COL15A1: variants seen among roughly 807,000 people sequenced by gnomAD.
The protein encoded by COL15A1 is collagen alpha-1(XV) chain.
Under a neutral mutation model 165.9 loss-of-function variants are expected in COL15A1, and 111 were observed. That is an observed-to-expected ratio of 0.67 (90% CI 0.57 to 0.78). COL15A1 has a LOEUF of 0.78. Among genes scored for constraint, COL15A1 ranks in the 30% least tolerant of loss-of-function variants. COL15A1 has a pLI of 0.00. For missense variants in COL15A1, 1,745 were observed against 1,789.7 expected (o/e 0.98, Z 0.45); for synonymous variants, 659 against 674.8 (o/e 0.98, Z 0.36).
At chr9:98,978,432 G>A (rs1027350678) in intron 2 of COL15A1, among the ~76,000 whole-genome samples, 2 of 152,208 alleles carry the variant, frequency 1.3e-5, no homozygotes, top group African/African-American at 4.8e-5. Flanking sequence ...AATTTTCCGA[G>A]CAGAAAGAGG....
chr9:99,009,241 ATAGT>A (rs1838810525), intron 9 of COL15A1, among the ~76,000 whole-genome samples: 2 of 152,280 alleles, frequency 1.3e-5, no homozygotes. Context: ...TGAAACAGTC[ATAGT>A]TAAAGACACA....
chr9:98,976,742 G>A (rs1350485331), intron 2 of COL15A1, among the ~76,000 whole-genome samples: 1 of 152,196 alleles, frequency 6.6e-6, no homozygotes, highest in Non-Finnish European at 1.5e-5. Context: ...GGGAGACAGG[G>A]AGAAGTGGAC....
chr9:98,981,956 C>T (rs1838241444), intron 2 of COL15A1, among the ~76,000 whole-genome samples: 1 of 152,044 alleles, frequency 6.6e-6, no homozygotes, highest in Non-Finnish European at 1.5e-5. Flanking sequence ...GCACGCACTA[C>T]CACATTCTGC....
intron 9 of COL15A1, among the ~76,000 whole-genome samples, chr9:99,014,215 C>A (rs1206789684): frequency 6.6e-6 from 1 of 152,134 alleles, no homozygotes; most frequent in South Asian, 2.1e-4. Flanking sequence ...TAAGACAAAA[C>A]CCCAATTCAG....
rs778337562 is a variant in COL15A1, at chr9:99,056,333, T to C, written c.3266T>C (p.Phe1089Ser). 2 of 1,613,930 alleles carry C rather than the reference T, an allele frequency of 1.2e-6. No homozygotes were observed. Among genetic ancestry groups the C allele is most frequent in the South Asian group, 2.2e-5 (2 of 91,080 alleles). The change falls in exon 35 of 42, where the codon TTT becomes TCT. Residue 1089 changes from phenylalanine (F) to serine (S), a missense_variant. Coordinates refer to ENST00000375001, the MANE Select transcript of COL15A1 (RefSeq NM_001855.5). Reference sequence around the variant, plus strand: ...CCTGGTCTGCCTGGGCCACCTGGCTTTGGAAGACCTGGTGATCCTGGGCCA... The same window carrying C: ...CCTGGTCTGCCTGGGCCACCTGGCTCTGGAAGACCTGGTGATCCTGGGCCA... ...GAPGLPGPPG[F>S]GRPGDPGPPG...
rs1588509357 is a variant in COL15A1 at position 99,000,895 on chromosome 9, C to T, written c.1009C>T (p.Pro337Ser). The change falls in exon 7 of 42, where the codon CCC becomes TCC. Residue 337 changes from proline to serine, a missense_variant. Pro to Ser is a moderately conservative substitution (Grantham distance 74, BLOSUM62 -1). Transcript: ENST00000375001. ...LEGVHSVDGD[P>S]ITDSGSGAGA... Reference sequence around the variant, plus strand: ...GGGGGTTCATTCTGTGGATGGTGACCCCATTACTGACAGCGGCTCAGGGGC... The same window carrying T: ...GGGGGTTCATTCTGTGGATGGTGACTCCATTACTGACAGCGGCTCAGGGGC... 1.2e-6 allele frequency: 2 copies of T among 1,606,844 alleles called. No homozygotes were observed. The highest frequency in any genetic ancestry group is 2.2e-5 in the East Asian group (1 of 44,818).
At chr9:98,982,905 A>ATT (rs1323202058) in intron 2 of COL15A1, among the ~76,000 whole-genome samples, 1 of 152,142 alleles carries the variant, frequency 6.6e-6, no homozygotes, top group East Asian at 1.9e-4. Flanking sequence ...AAGTGTTGGG[A>ATT]TTACAGTTGT....
At chr9:99,060,449 G>A (rs1018448726) in intron 36 of COL15A1, among the ~76,000 whole-genome samples, 2 of 54,346 alleles carry the variant, frequency 3.7e-5, no homozygotes, top group East Asian at 4.3e-4. Flanking sequence ...TTTTTTTTTT[G>A]TAGAGACAGG....
At chr9:99,009,527 T>C (rs542637273) in intron 9 of COL15A1, among the ~76,000 whole-genome samples, 5 of 152,326 alleles carry the variant, frequency 3.3e-5, no homozygotes, top group African/African-American at 1.2e-4. Context: ...AAAGCTTTCT[T>C]GGTTCTGAAA....
chr9:99,011,690 A>C (rs2118978632), intron 9 of COL15A1, among the ~76,000 whole-genome samples: 1 of 152,236 alleles, frequency 6.6e-6, no homozygotes, highest in East Asian at 1.9e-4. Flanking sequence ...AATATACCCA[A>C]CTAATGAAAT....
Position 99,005,007 on chromosome 9 carries a change from A to G in COL15A1, c.1310A>G (p.Asp437Gly). ...AGTGGTGTGGCCCCCGGGGAGCTGG[A>G]CCTCTCCATGTCCGCCCAGAGCCTC... ...EASGVAPGELDLSMSAQSLGE... is the reference protein window; with the variant it reads ...EASGVAPGELGLSMSAQSLGE... The change falls in exon 9 of 42, where the codon GAC becomes GGC. Residue 437 changes from aspartate to glycine, a missense_variant. Coordinates refer to ENST00000375001, the MANE Select transcript of COL15A1 (RefSeq NM_001855.5). The G allele has an allele frequency of 1.9e-6, 3 of 1,613,220 alleles. No homozygotes were observed. Among genetic ancestry groups the G allele is most frequent in the Non-Finnish European group, 2.5e-6 (3 of 1,179,638 alleles).
chr9:99,051,269 C>T (rs1300415702), intron 30 of COL15A1, among the ~76,000 whole-genome samples: 1 of 152,192 alleles, frequency 6.6e-6, no homozygotes, highest in Non-Finnish European at 1.5e-5. Context: ...CTGCAATTAT[C>T]ATGACCTGCA....
intron 3 of COL15A1, among the ~76,000 whole-genome samples, chr9:98,986,887 C>T (rs553582212): frequency 1.3e-5 from 2 of 152,218 alleles, no homozygotes; most frequent in African/African-American, 2.4e-5. Context: ...AGAGTGGAGG[C>T]AGGGAGGCTG....
intron 5 of COL15A1, among the ~76,000 whole-genome samples, chr9:98,994,083 A>C (rs544492203): frequency 7.8e-6 from 1 of 127,438 alleles, no homozygotes; most frequent in Non-Finnish European, 1.6e-5. Flanking sequence ...CTGGCTGTGC[A>C]TCAGGGTCAT....
chr9:98,948,875 T>A (rs1001610698), intron 2 of COL15A1, among the ~76,000 whole-genome samples: 50 of 152,362 alleles, frequency 3.3e-4, no homozygotes, highest in African/African-American at 1.2e-3. Context: ...AAATACAACA[T>A]CCATTCAGAA....
chr9:99,028,988 A>T (rs1286304655), intron 16 of COL15A1, among the ~76,000 whole-genome samples: 1 of 152,240 alleles, frequency 6.6e-6, no homozygotes, highest in East Asian at 1.9e-4. Context: ...TCTTTAGCCC[A>T]AGAAGGAATG....
rs777575737 is a variant in COL15A1 at position 99,026,002 on chromosome 9, G to A, written c.2043+36G>A. 5.1e-6 allele frequency: 8 copies of A among 1,578,470 alleles called. No homozygotes were observed. In the Admixed American group the frequency reaches 1.2e-4, roughly 24 times the overall value. The stretch of plus-strand genomic sequence containing the variant: ...CACGGGAGGGTCCCACCACATGGGA[G>A]CCACCAGGCCCACACTACTCTCTCT... On this transcript the variant is annotated intron_variant, in intron 16 of 41. Transcript: ENST00000375001.
At chr9:99,028,782 C>T (rs1266208482) in intron 16 of COL15A1, among the ~76,000 whole-genome samples, 2 of 152,136 alleles carry the variant, frequency 1.3e-5, no homozygotes, top group Admixed American at 1.3e-4. Context: ...TCAGAAATCA[C>T]CACTGAAGAA....
chr9:98,978,260 C>G (rs1414437680), intron 2 of COL15A1, among the ~76,000 whole-genome samples: 1 of 152,232 alleles, frequency 6.6e-6, no homozygotes, highest in Non-Finnish European at 1.5e-5. Context: ...ATGGGAAGCA[C>G]TAGGCTGGTT....
Sources: allele counts gnomAD v4.1 joint callset (sites outside exome capture counted in the v4.1 genomes callset), GRCh38; gene constraint gnomAD v4.1.1; transcripts MANE v1.5; gene names NCBI Gene and HGNC (gene_info 2026-07-23, HGNC 2026-07-21).